Variants in WIPF1 observed in about 807,000 individuals in gnomAD.
WIPF1 encodes the protein WAS/WASL interacting protein family member 1, also known as WAS/WASL-interacting protein family member 1.
In WIPF1, 13 loss-of-function variants were observed where a neutral mutation model predicts 35.4. That is an observed-to-expected ratio of 0.37 (90% confidence interval 0.24 to 0.58). WIPF1 has a LOEUF of 0.58. WIPF1 is among the 20% of genes least tolerant of loss of function. WIPF1 has a pLI of 0.74. For missense variants in WIPF1, 591 were observed against 667.0 expected (o/e 0.89, Z 1.25); for synonymous variants, 267 against 266.3 (o/e 1.00, Z -0.02).
At chr2:174,636,454 CCA>C (rs1316323192) in intron 1 of WIPF1, among the ~76,000 whole-genome samples, 7 of 152,086 alleles carry the variant, frequency 4.6e-5, no homozygotes, top group Admixed American at 6.5e-5. Flanking sequence ...AATCCTACGC[CCA>C]GTCTCCCCTA....
chr2:174,668,385 T>C (rs1379397106), intron 1 of WIPF1, among the ~76,000 whole-genome samples: 2 of 152,216 alleles, frequency 1.3e-5, no homozygotes, highest in African/African-American at 4.8e-5. Flanking sequence ...TGCTCTGGGA[T>C]GTTACATTTT....
chr2:174,607,612 C>T (rs2105893189), intron 1 of WIPF1, among the ~76,000 whole-genome samples: 1 of 151,548 alleles, frequency 6.6e-6, no homozygotes, highest in African/African-American at 2.4e-5. Flanking sequence ...TCCCCCACTT[C>T]CCCTCTCCTT....
intron 1 of WIPF1, among the ~76,000 whole-genome samples, chr2:174,668,022 T>C (rs1687929091): frequency 6.6e-6 from 1 of 152,148 alleles, no homozygotes; most frequent in African/African-American, 2.4e-5. Context: ...AACACCACCT[T>C]GCTAAGCACC....
intron 1 of WIPF1, among the ~76,000 whole-genome samples, chr2:174,603,686 T>G (rs1686073597): frequency 6.6e-6 from 1 of 152,216 alleles, no homozygotes; most frequent in South Asian, 2.1e-4. Context: ...AATACGGCTT[T>G]GTTAAGAGAG....
intron 1 of WIPF1, among the ~76,000 whole-genome samples, chr2:174,586,769 C>T (rs1685436925): frequency 6.6e-6 from 1 of 152,172 alleles, no homozygotes; most frequent in Non-Finnish European, 1.5e-5. Context: ...GGATAGGCAG[C>T]GTGGGCACCA....
At chr2:174,678,763 C>G (rs1688186900) in intron 1 of WIPF1, among the ~76,000 whole-genome samples, 1 of 152,340 alleles carries the variant, frequency 6.6e-6, no homozygotes, top group Middle Eastern at 3.4e-3. Flanking sequence ...TCCAGACAAC[C>G]TCAACAGAGT....
intron 1 of WIPF1, among the ~76,000 whole-genome samples, chr2:174,591,088 A>G (rs1260084396): frequency 6.6e-6 from 1 of 152,338 alleles, no homozygotes; most frequent in African/African-American, 2.4e-5. Context: ...TGGTGTCCTC[A>G]TACAAAGAGG....
chr2:174,669,123 T>C (rs533706531), intron 1 of WIPF1, among the ~76,000 whole-genome samples: 25 of 152,216 alleles, frequency 1.6e-4, no homozygotes, highest in Non-Finnish European at 5.9e-5. Context: ...TGATTACTGG[T>C]AATCTAAATA....
upstream of WIPF1, among the ~76,000 whole-genome samples, chr2:174,598,780 A>G (rs1410775833): frequency 2.0e-5 from 3 of 152,218 alleles, no homozygotes; most frequent in Non-Finnish European, 4.4e-5. Flanking sequence ...AAAAGCATAG[A>G]GATAAAGAGG....
intron 1 of WIPF1, among the ~76,000 whole-genome samples, chr2:174,670,258 G>T (rs1261741139): frequency 6.6e-6 from 1 of 152,116 alleles, no homozygotes; most frequent in African/African-American, 2.4e-5. Flanking sequence ...TTATTTCACT[G>T]CTGGCCTCTG....
chr2:174,679,701 A>C (rs1314970161), intron 1 of WIPF1, among the ~76,000 whole-genome samples: 1 of 152,242 alleles, frequency 6.6e-6, no homozygotes, highest in African/African-American at 2.4e-5. Context: ...TGTATTAAGC[A>C]GAATAGCATC....
At chr2:174,655,210 C>T (rs1687616673) in intron 1 of WIPF1, among the ~76,000 whole-genome samples, 1 of 152,158 alleles carries the variant, frequency 6.6e-6, no homozygotes, top group Non-Finnish European at 1.5e-5. Flanking sequence ...TCCTTAGTAT[C>T]TCTGGAATCC....
intron 1 of WIPF1, among the ~76,000 whole-genome samples, chr2:174,594,798 G>A (rs2105865838): frequency 1.4e-5 from 1 of 73,158 alleles, no homozygotes; most frequent in South Asian, 4.5e-4. Context: ...TATGATATAA[G>A]CAGAAGTGTC....
Position 174,562,346 on chromosome 2 carries a change from G to A in WIPF1, c.*201C>T, listed in dbSNP as rs1574778520. The stretch of plus-strand genomic sequence containing the variant: ...CAGGCTGCAGCTGAAGCAAGCAATA[G>A]CCTGGAGAATAAACACAATATGAAA... On this transcript the variant is annotated 3_prime_UTR_variant, in exon 8 of 8. Coordinates refer to ENST00000679041, the MANE Select transcript of WIPF1 (RefSeq NM_001375834.1). 6.7e-7 allele frequency: 1 copy of A among 1,482,888 alleles called. No homozygotes were observed. Among genetic ancestry groups the A allele is most frequent in the East Asian group, 2.5e-5 (1 of 40,368 alleles). The allele number at this position is 1,482,888 out of a possible 1,614,324, so 91.9% of individuals were successfully genotyped here.
At position 174,626,022 on chromosome 2, in the gene WIPF1, A is replaced by C. The variant is rs2105923213; in HGVS notation, c.-38-40411T>G. The C allele has an allele frequency of 1.3e-5, 2 of 152,356 alleles. 1 individual carries two copies. The highest frequency in any genetic ancestry group is 3.9e-4 in the East Asian group (2 of 5,186). The allele number at this position is 152,356 out of a possible 1,614,324, so 9.4% of individuals were successfully genotyped here. On this transcript the variant is annotated intron_variant, in intron 1 of 8. Coordinates refer to the WIPF1 transcript ENST00000272746. Reference sequence around the variant, plus strand: ...TGTAAAACTACATAATATCTGTTTCAATGACAAAAAGCAATTTCAATTATA... The same window carrying C: ...TGTAAAACTACATAATATCTGTTTCCATGACAAAAAGCAATTTCAATTATA...
chr2:174,620,125 C>T (rs1383529325), intron 1 of WIPF1, among the ~76,000 whole-genome samples: 1 of 152,294 alleles, frequency 6.6e-6, no homozygotes, highest in East Asian at 1.9e-4. Context: ...AGAGCAAAAG[C>T]CTATAACCTA....
At position 174,571,817 on chromosome 2, in the gene WIPF1, C is replaced by T. The variant is rs546654911; in HGVS notation, c.988G>A (p.Glu330Lys). 1.2e-6 allele frequency: 2 copies of T among 1,614,122 alleles called. No homozygotes were observed. The highest frequency in any genetic ancestry group is 2.2e-5 in the East Asian group (1 of 44,872). Residue 330 changes from glutamate (E) to lysine (K), a missense_variant, in exon 5 of 8, where the codon GAA becomes AAA. Physicochemically the swap from Glu to Lys is moderately conservative, Grantham distance 56. Transcript: ENST00000679041. The surrounding 1 kb of genome is among the most constrained non-coding windows in gnomAD (Gnocchi z 4.6). ...TTCCGCTGTGGGAGTCTTGGGGTTTCGTCATTGCCGCTGGAACTTGGAGGC... is the reference window on the plus strand; with the variant it reads ...TTCCGCTGTGGGAGTCTTGGGGTTTTGTCATTGCCGCTGGAACTTGGAGGC... ...PLPPSSSGND[E>K]TPRLPQRNLS...
At chr2:174,647,371 C>T (rs1003581976) in intron 1 of WIPF1, among the ~76,000 whole-genome samples, 4 of 150,688 alleles carry the variant, frequency 2.7e-5, no homozygotes, top group Non-Finnish European at 5.9e-5. Flanking sequence ...CAGTGAGATG[C>T]TGTTTTTTTT....
chr2:174,598,174 A>C (rs1430452723), upstream of WIPF1: 3 of 152,220 alleles, frequency 2.0e-5, no homozygotes, highest in African/African-American at 7.2e-5. Flanking sequence ...TACCTACCTT[A>C]CCTTATCGCT....
Sources: allele counts gnomAD v4.1 joint callset (sites outside exome capture counted in the v4.1 genomes callset), GRCh38; gene constraint gnomAD v4.1.1; non-coding constraint Gnocchi (gnomAD v3.1); transcripts MANE v1.5; gene names NCBI Gene and HGNC (gene_info 2026-07-23, HGNC 2026-07-21).